CASTOR1: variants seen among roughly 807,000 people sequenced by gnomAD.
The protein encoded by CASTOR1 is cytosolic arginine sensor for mTORC1 subunit 1.
CASTOR1 carries 18 observed loss-of-function variants against 33.7 expected under a neutral mutation model. The ratio of observed to expected loss-of-function variants is 0.53; its 90% CI spans 0.37 to 0.79. The LOEUF is 0.79. Ranked by LOEUF, CASTOR1 falls within the 30% of genes least tolerant of loss-of-function variation. The pLI is 0.00. For synonymous variants in CASTOR1, 175 were observed against 190.6 expected (o/e 0.92, Z 0.67); for missense variants, 362 against 446.3 (o/e 0.81, Z 1.70).
Position 30,287,552 on chromosome 22 carries a change from G to C in CASTOR1, c.193C>G (p.Pro65Ala). 1 of 1,611,640 alleles carries C rather than the reference G, an allele frequency of 6.2e-7. No homozygotes were observed. Among genetic ancestry groups the C allele is most frequent in the East Asian group, 2.2e-5 (1 of 44,832 alleles). Residue 65 changes from proline to alanine, a missense_variant, in exon 3 of 9, where the codon CCA becomes GCA. Transcript: ENST00000407689. ...TCAGCTACTTGCAGGAACTCAGATGGGGGCAGCTCTGTGGGCAGGGGACAT... is the reference window on the plus strand; with the variant it reads ...TCAGCTACTTGCAGGAACTCAGATGCGGGCAGCTCTGTGGGCAGGGGACAT... The part of the protein sequence containing the change: ...VDEEGFKELP[P>A]SEFLQVAEAT...
intron 5 of CASTOR1, 87 bp downstream of exon 5, chr22:30,286,738 G>A: frequency 6.5e-7 from 1 of 1,541,604 alleles, no homozygotes; most frequent in Non-Finnish European, 8.9e-7. Flanking sequence ...CAAGCAAGAG[G>A]TGCAAAACTG....
intron 5 of CASTOR1, 120 bp downstream of exon 5, chr22:30,286,705 C>A (rs759807734): frequency 7.9e-7 from 1 of 1,267,492 alleles, no homozygotes; most frequent in South Asian, 1.3e-5. Flanking sequence ...GCATCATGGG[C>A]TGCCAGGAAC....
chr22:30,286,908 G>A lies in CASTOR1; in HGVS notation c.546C>T (p.Asn182=). 1.2e-6 allele frequency: 2 copies of A among 1,614,110 alleles called. No homozygotes were observed. The highest frequency in any genetic ancestry group is 1.1e-5 in the South Asian group (1 of 91,084). ...PTVHPIQSPQ[N]RFCVLTLDPE... is the part of the protein sequence containing the mutation. ...GGTCCAGTGTGAGGACACAGAAGCGGTTCTGTGGGCTCTGGATGGGATGCA... is the reference window on the plus strand; with the variant it reads ...GGTCCAGTGTGAGGACACAGAAGCGATTCTGTGGGCTCTGGATGGGATGCA... Residue 182 remains asparagine (N), a synonymous_variant, in exon 5 of 9, where the codon AAC becomes AAT. Coordinates refer to ENST00000407689, the MANE Select transcript of CASTOR1 (RefSeq NM_001037666.3).
chr22:30,286,778 T>G, intron 5 of CASTOR1, 47 bp downstream of exon 5: 1 of 1,611,700 alleles, frequency 6.2e-7, no homozygotes, highest in Non-Finnish European at 8.5e-7. Flanking sequence ...TGGGACAGAG[T>G]GTAGGGAACA....
Position 30,285,829 on chromosome 22 carries a change from C to CCCCCTGCCCCAGCCCTTGGTGCTT in CASTOR1, c.921+2_921+3insAAGCACCAAGGGCTGGGGCAGGGG. 1.2e-6 allele frequency: 2 copies of CCCCCTGCCCCAGCCCTTGGTGCTT among 1,605,146 alleles called. No individual in the cohort carries two copies. Among genetic ancestry groups the CCCCCTGCCCCAGCCCTTGGTGCTT allele is most frequent in the Non-Finnish European group, 8.5e-7 (1 of 1,175,738 alleles). ...CCCCTCTGCCCCAGCCCTTGGTGCT[C>CCCCCTGCCCCAGCCCTTGGTGCTT]ACCAGGGCGTGGTCGAAGTTGAAGG... On this transcript the variant is annotated splice_region_variant and intron_variant, in intron 8 of 8. Transcript: ENST00000407689.
At chr22:30,286,777 G>A in intron 5 of CASTOR1, 48 bp downstream of exon 5, 3 of 1,612,306 alleles carry the variant, frequency 1.9e-6, no homozygotes, top group Non-Finnish European at 2.5e-6. Flanking sequence ...GTGGGACAGA[G>A]TGTAGGGAAC....
intron 8 of CASTOR1, 24 bp downstream of exon 8, chr22:30,285,808 T>TCTGCCCCAGCCCTCGGTGCTCCCC: frequency 1.3e-6 from 2 of 1,495,736 alleles, no homozygotes; most frequent in Non-Finnish European, 9.2e-7. Flanking sequence ...CACTCTCCCC[T>TCTGCCCCAGCCCTCGGTGCTCCCC]CTGCCCCAGC....
Position 30,285,604 on chromosome 22 carries a change from C to T in CASTOR1, c.*16G>A. ...TCGAGGGGAGAGCAGGGAGGCTGCTCTGTTGCCCATGGGCCTCAGGAAGCC... is the reference window on the plus strand; with the variant it reads ...TCGAGGGGAGAGCAGGGAGGCTGCTTTGTTGCCCATGGGCCTCAGGAAGCC... On this transcript the variant is annotated 3_prime_UTR_variant, in exon 9 of 9. Coordinates refer to ENST00000407689, the MANE Select transcript of CASTOR1 (RefSeq NM_001037666.3). 1.3e-6 allele frequency: 2 copies of T among 1,550,652 alleles called. No individual in the cohort carries two copies. Among genetic ancestry groups the T allele is most frequent in the Non-Finnish European group, 1.7e-6 (2 of 1,145,926 alleles).
chr22:30,288,025 A>G (rs1054047221), intron 2 of CASTOR1: 42 of 388,936 alleles, frequency 1.1e-4, no homozygotes, highest in Non-Finnish European at 1.4e-4. Context: ...AAACAGGGAA[A>G]CTAAGGCCTG....
At chr22:30,289,254 G>A in intron 1 of CASTOR1, 131 bp downstream of exon 1, 1 of 714,932 alleles carries the variant, frequency 1.4e-6, no homozygotes, top group Non-Finnish European at 2.4e-6. Flanking sequence ...CGGCCGGACG[G>A]GGAGAGTCCT....
intron 1 of CASTOR1, chr22:30,289,023 C>A (rs911720144): frequency 7.2e-6 from 4 of 553,784 alleles, no homozygotes. Flanking sequence ...AGGTTCACAC[C>A]CGCGGCGACA....
rs765279131 is a variant in CASTOR1, at chr22:30,286,371, G to A, written c.635C>T (p.Pro212Leu). 8 of 1,611,560 alleles carry A rather than the reference G, an allele frequency of 5.0e-6. No homozygotes were observed. The East Asian group carries it at 1.3e-4, about 27-fold the overall frequency. ...AGGACTGCTAGAGGCTGCCTCCTTG[G>A]GGGTGCTGGGGAGGGATGGGAGGTT... ...IDVLFYSHST[P>L]KEAASSSPEP... The change falls in exon 6 of 9, where the codon CCC (proline) becomes CTC (leucine). Residue 212 changes from proline (P) to leucine (L), a missense_variant. Physicochemically the swap from Pro to Leu is moderately conservative, Grantham distance 98 (BLOSUM62 -3). Transcript: ENST00000407689.
intron 4 of CASTOR1, 76 bp from the exon 5 acceptor site, chr22:30,287,024 T>C (rs772317346): frequency 5.8e-5 from 90 of 1,563,098 alleles, no homozygotes; most frequent in Non-Finnish European, 7.2e-5. Flanking sequence ...GGGAGAGGCG[T>C]GGGCCAGGGG....
chr22:30,289,332 A>T, intron 1 of CASTOR1, 53 bp downstream of exon 1: 2 of 1,285,776 alleles, frequency 1.6e-6, no homozygotes, highest in Non-Finnish European at 2.2e-6. Context: ...CCTGGCCCGG[A>T]GCGAGAGCAG....
At position 30,285,655 on chromosome 22, in the gene CASTOR1, C is replaced by A; in HGVS notation, c.955G>T (p.Val319Phe). The A allele has an allele frequency of 6.4e-7, 1 of 1,572,498 alleles. No individual in the cohort carries two copies. Among genetic ancestry groups the A allele is most frequent in the Non-Finnish European group, 8.6e-7 (1 of 1,159,978 alleles). Residue 319 changes from valine to phenylalanine, a missense_variant, in exon 9 of 9, where the codon GTC (valine) becomes TTC (phenylalanine). Coordinates refer to ENST00000407689, the MANE Select transcript of CASTOR1 (RefSeq NM_001037666.3). ...PEDGIGSVIE[V>F]LQRRQEGLAS ...AGGCCTTCCTGCCGCCGCTGGAGGA[C>A]CTCGATGACGCTGCCGATACCGTCC...
rs1386168925 is a variant in CASTOR1 at position 30,286,008 on chromosome 22, G to A, written c.826+8C>T. The A allele has an allele frequency of 1.3e-6, 2 of 1,594,454 alleles. No individual in the cohort carries two copies. Among genetic ancestry groups the A allele is most frequent in the Non-Finnish European group, 8.5e-7 (1 of 1,170,522 alleles). On this transcript the variant is annotated splice_region_variant and intron_variant, in intron 7 of 8. Coordinates refer to ENST00000407689, the MANE Select transcript of CASTOR1 (RefSeq NM_001037666.3). Reference sequence around the variant, plus strand: ...CCCCAGCCCCCCAACACCGGGAACAGCCCTCACCAAAGCCCAGGGGCTGTC... The same window carrying A: ...CCCCAGCCCCCCAACACCGGGAACAACCCTCACCAAAGCCCAGGGGCTGTC...
rs1380618335 is a variant in CASTOR1, at chr22:30,286,294, A to T, written c.712T>A (p.Ser238Thr). 6.2e-7 allele frequency: 1 copy of T among 1,613,692 alleles called. No homozygotes were observed. Among genetic ancestry groups the T allele is most frequent in the African/African-American group, 1.3e-5 (1 of 74,892 alleles). ...TGTGTTTCAGCATCCATGACAATGG[A>T]GATATAACCCTCGATGAGGGAGAAG... Reference protein sequence around the residue: ...FAFSLIEGYISIVMDAETQKK... With the variant: ...FAFSLIEGYITIVMDAETQKK... Residue 238 changes from serine (S) to threonine (T), a missense_variant, in exon 6 of 9, where the codon TCC becomes ACC. Transcript: ENST00000407689.
Position 30,289,181 on chromosome 22 carries a change from C to A in CASTOR1, c.113+204G>T, listed in dbSNP as rs940286634. 6.8e-6 allele frequency: 4 copies of A among 585,848 alleles called. No homozygotes were observed. In the Admixed American group the frequency reaches 1.2e-4, roughly 18 times the overall value. The allele number at this position is 585,848 out of a possible 1,614,324, so 36.3% of individuals were successfully genotyped here. On this transcript the variant is annotated intron_variant, in intron 1 of 8. Transcript: ENST00000407689. ...AGCATTGCCCATCCCAGGCTGTTTGCGCTTTGCCCCTGGGAGGGGGCCTCA... is the reference window on the plus strand; with the variant it reads ...AGCATTGCCCATCCCAGGCTGTTTGAGCTTTGCCCCTGGGAGGGGGCCTCA...
chr22:30,289,319 G>T, intron 1 of CASTOR1, 66 bp downstream of exon 1: 1 of 1,185,488 alleles, frequency 8.4e-7, no homozygotes, highest in Non-Finnish European at 1.2e-6. Flanking sequence ...CTAATCCTCC[G>T]ACCCTGGCCC....
Sources: gnomAD v4.1 joint callset for allele counts on GRCh38, gnomAD v4.1.1 for gene constraint, MANE v1.5 for transcripts, NCBI Gene and HGNC (gene_info 2026-07-23, HGNC 2026-07-21) for gene names.